ASIC2: variants seen among roughly 807,000 people sequenced by gnomAD.
ASIC2 encodes the protein acid sensing ion channel subunit 2, also known as acid-sensing ion channel 2.
Under a neutral mutation model 57.3 loss-of-function variants are expected in ASIC2, and 25 were observed. The ratio of observed to expected loss-of-function variants is 0.44; its 90% CI spans 0.32 to 0.61. The LOEUF is 0.61. ASIC2 is among the 20% of genes least tolerant of loss of function. The pLI is 0.06. For missense variants in ASIC2, 641 were observed against 738.1 expected, an observed-to-expected ratio of 0.87 and a Z score of 1.52; for synonymous variants, 319 against 307.5, an observed-to-expected ratio of 1.04 and a Z score of -0.39.
chr17:33,217,675 T>C (rs542576346), intron 1 of ASIC2, among the ~76,000 whole-genome samples: 1 of 152,330 alleles, frequency 6.6e-6, no homozygotes, highest in Admixed American at 6.5e-5. Flanking sequence ...TGAATCCAGG[T>C]TCCCTCTCAT....
At chr17:33,282,479 G>GCGCT (rs139136868) in intron 1 of ASIC2, among the ~76,000 whole-genome samples, 64 of 147,110 alleles carry the variant, frequency 4.4e-4, no homozygotes, top group African/African-American at 1.2e-3. Flanking sequence ...GTGTGTGCTT[G>GCGCT]TGTGTGTGTG....
chr17:33,927,711 G>T (rs1915852596), intron 1 of ASIC2, among the ~76,000 whole-genome samples: 2 of 152,200 alleles, frequency 1.3e-5, no homozygotes, highest in South Asian at 2.1e-4. Flanking sequence ...GCTCAGGGAG[G>T]TTAGATCACT....
chr17:33,021,446 G>T, intron 6 of ASIC2, 136 bp from the exon 7 acceptor site: 1 of 697,690 alleles, frequency 1.4e-6, no homozygotes, highest in Non-Finnish European at 2.4e-6. Context: ...AGTTAGAGCT[G>T]GTTAGTGGCA....
intron 1 of ASIC2, among the ~76,000 whole-genome samples, chr17:33,724,467 C>T (rs1340947569): frequency 6.6e-6 from 1 of 152,106 alleles, no homozygotes; most frequent in African/African-American, 2.4e-5. Flanking sequence ...CCAAGTAGAT[C>T]GGGTAAAGGG....
intron 1 of ASIC2, among the ~76,000 whole-genome samples, chr17:33,724,732 G>C (rs1909492169): frequency 6.6e-6 from 1 of 152,130 alleles, no homozygotes; most frequent in South Asian, 2.1e-4. Flanking sequence ...GAACAGGTAA[G>C]TTTGATGCCC....
intron 1 of ASIC2, among the ~76,000 whole-genome samples, chr17:33,873,676 G>C (rs1329289138): frequency 6.6e-6 from 1 of 152,162 alleles, no homozygotes; most frequent in Non-Finnish European, 1.5e-5. Flanking sequence ...ATGTACAAAA[G>C]CACCCAATGC....
chr17:33,903,590 C>T (rs1260391427), intron 1 of ASIC2, among the ~76,000 whole-genome samples: 1 of 152,178 alleles, frequency 6.6e-6, no homozygotes, highest in African/African-American at 2.4e-5. Flanking sequence ...TTTATTTAAA[C>T]ATGGAGGGTT....
At chr17:33,158,229 A>G (rs1032195904) in intron 1 of ASIC2, among the ~76,000 whole-genome samples, 1 of 152,142 alleles carries the variant, frequency 6.6e-6, no homozygotes, top group Non-Finnish European at 1.5e-5. Flanking sequence ...GCTCCATCCC[A>G]GGTGCCTTGT....
At chr17:33,345,815 G>T (rs1340868984) in intron 1 of ASIC2, among the ~76,000 whole-genome samples, 1 of 152,162 alleles carries the variant, frequency 6.6e-6, no homozygotes. Flanking sequence ...TTGGGTGCTT[G>T]CATGGAGACC....
At chr17:33,938,855 A>C (rs934373023) in intron 1 of ASIC2, among the ~76,000 whole-genome samples, 1 of 152,176 alleles carries the variant, frequency 6.6e-6, no homozygotes, top group Non-Finnish European at 1.5e-5. Context: ...GTCTTTACCC[A>C]CTATGCCAGG....
chr17:33,808,488 A>C (rs1283778085), intron 1 of ASIC2, among the ~76,000 whole-genome samples: 3 of 152,160 alleles, frequency 2.0e-5, no homozygotes. Context: ...CTTCTCCCTC[A>C]ATATTGTGTT....
chr17:33,466,963 G>A (rs1337255960), intron 1 of ASIC2, among the ~76,000 whole-genome samples: 4 of 152,140 alleles, frequency 2.6e-5, no homozygotes, highest in East Asian at 1.9e-4. Flanking sequence ...AACACAAAAA[G>A]CAATGGCAAC....
chr17:33,464,791 T>C (rs4513141), intron 1 of ASIC2, among the ~76,000 whole-genome samples: 2,889 of 151,446 alleles, frequency 0.019, 111 homozygotes, highest in African/African-American at 0.063. Context: ...TGGAACTTTA[T>C]ACTGAATGCT....
chr17:33,877,037 A>G (rs1310525610), intron 1 of ASIC2, among the ~76,000 whole-genome samples: 1 of 152,250 alleles, frequency 6.6e-6, no homozygotes, highest in Non-Finnish European at 1.5e-5. Context: ...AATAGGTAAT[A>G]GAAAGCTACT....
At chr17:33,098,847 C>G (rs2092196343) in intron 2 of ASIC2, among the ~76,000 whole-genome samples, 1 of 151,966 alleles carries the variant, frequency 6.6e-6, no homozygotes, top group Non-Finnish European at 1.5e-5. Context: ...TATTCTACTA[C>G]TTCTTAGCCA....
At chr17:33,727,350 T>C (rs1311310631) in intron 1 of ASIC2, among the ~76,000 whole-genome samples, 5 of 152,340 alleles carry the variant, frequency 3.3e-5, no homozygotes, top group African/African-American at 9.6e-5. Context: ...ATCTCAGTTT[T>C]ACAACAACAG....
intron 1 of ASIC2, among the ~76,000 whole-genome samples, chr17:33,528,528 T>G (rs1455806647): frequency 6.6e-6 from 1 of 152,184 alleles, no homozygotes; most frequent in East Asian, 1.9e-4. Flanking sequence ...CCTATTATCT[T>G]CTGTTGTCTT....
chr17:33,539,508 C>T (rs1156598315), intron 1 of ASIC2, among the ~76,000 whole-genome samples: 1 of 152,248 alleles, frequency 6.6e-6, no homozygotes, highest in Admixed American at 6.5e-5. Flanking sequence ...CCCAAATGCA[C>T]ATTCTTTCCT....
chr17:34,035,995 A>G (rs1907860112), intron 1 of ASIC2, among the ~76,000 whole-genome samples: 2 of 152,192 alleles, frequency 1.3e-5, no homozygotes, highest in Admixed American at 1.3e-4. Context: ...GAGATCTTGA[A>G]CTAGAAATAC....
Sources: allele counts gnomAD v4.1 joint callset (sites outside exome capture counted in the v4.1 genomes callset), GRCh38; gene constraint gnomAD v4.1.1; transcripts MANE v1.5; gene names NCBI Gene and HGNC (gene_info 2026-07-23, HGNC 2026-07-21).